Variants in SENP7 observed in about 807,000 individuals in gnomAD.
SENP7 encodes the protein sentrin-specific protease 7.
A neutral mutation model predicts 141.2 loss-of-function variants in SENP7; 64 were observed. The observed-to-expected ratio is 0.45, with a 90% CI of 0.37 to 0.56. SENP7 has a LOEUF of 0.56. SENP7 is among the 20% of genes least tolerant of loss of function. SENP7 has a pLI of 0.00. For synonymous variants in SENP7, 382 were observed against 426.4 expected (o/e 0.90, Z 1.28); for missense variants, 1,025 against 1,212.2 (o/e 0.85, Z 2.29).
chr3:101,406,444 G>A (rs1270112643), intron 5 of SENP7, among the ~76,000 whole-genome samples: 2 of 151,928 alleles, frequency 1.3e-5, no homozygotes, highest in African/African-American at 4.8e-5. Flanking sequence ...GGAGTGGGGG[G>A]AGGGGGGAAG....
At chr3:101,362,905 T>G (rs1049440181) in intron 10 of SENP7, among the ~76,000 whole-genome samples, 1 of 152,230 alleles carries the variant, frequency 6.6e-6, no homozygotes, top group Non-Finnish European at 1.5e-5. Context: ...TCCCACTGTT[T>G]CTTCTGAAAT....
rs1211443867 is a variant in SENP7 at position 101,439,104 on chromosome 3, C to A, written c.284+19851G>T. 3.4e-5 allele frequency among the ~76,000 whole-genome samples: 4 copies of A among 118,436 alleles called. No individual in the cohort carries two copies. In the South Asian group the frequency reaches 1.2e-3, roughly 36 times the overall value. The allele number at this position is 118,436 out of a possible 152,430, so 77.7% of individuals were successfully genotyped here. A position where few individuals can be genotyped will look rare whatever the true frequency, so the allele number is the denominator to read the frequency against. On this transcript the variant is annotated intron_variant, in intron 4 of 23. Transcript: ENST00000394095. ...GAAGTGAGGAGCGCCTCTTCCCAGC[C>A]GCCATCACATCTAGGAAGTGAGGAG...
At chr3:101,449,716 G>A (rs553451423) in intron 4 of SENP7, among the ~76,000 whole-genome samples, 1 of 152,300 alleles carries the variant, frequency 6.6e-6, no homozygotes, top group South Asian at 2.1e-4. Context: ...GCTCCTGATG[G>A]AAGCACTAAA....
Position 101,414,582 on chromosome 3 carries a change from C to T in SENP7, c.482+3011G>A, listed in dbSNP as rs144510279. On this transcript the variant is annotated intron_variant, in intron 5 of 23. Transcript: ENST00000394095. ...GTGTGGATGACCACATGCACCTCATCCCAACTATGACCAAGAAGATGAAGG... is the reference window on the plus strand; with the variant it reads ...GTGTGGATGACCACATGCACCTCATTCCAACTATGACCAAGAAGATGAAGG... 1.4e-3 allele frequency: 2,267 copies of T among 1,605,242 alleles called. 33 individuals carry two copies. The African/African-American group carries it at 0.028, about 20-fold the overall frequency.
chr3:101,511,058 A>C (rs1242988818), intron 1 of SENP7, among the ~76,000 whole-genome samples: 1 of 152,212 alleles, frequency 6.6e-6, no homozygotes, highest in Non-Finnish European at 1.5e-5. Flanking sequence ...AACTAGAGGC[A>C]TACTGGAGAA....
At chr3:101,378,583 T>G (rs2060404659) in intron 6 of SENP7, among the ~76,000 whole-genome samples, 1 of 152,006 alleles carries the variant, frequency 6.6e-6, no homozygotes, top group African/African-American at 2.4e-5. Context: ...AGGTGTAGCA[T>G]AGGCATAATG....
At position 101,327,778 on chromosome 3, in the gene SENP7, T is replaced by G; in HGVS notation, c.2903A>C (p.His968Pro). ...EVEWEVKLKT[H>P]RQFSKTNMVD... ...CATGTTTGTTTTGCTGAATTGACGA[T>G]GAGTTTTTAGTTTAACTTCCCACTC... Residue 968 changes from histidine (H) to proline (P), a missense_variant, in exon 23 of 24, where the codon CAT becomes CCT. This residue lies in a region of SENP7 where 295 missense variants were observed against 459.1 expected (regional missense o/e 0.64). Transcript: ENST00000394095. 6.2e-7 allele frequency: 1 copy of G among 1,610,964 alleles called. No individual in the cohort carries two copies. The highest frequency in any genetic ancestry group is 8.5e-7 in the Non-Finnish European group (1 of 1,178,136).
chr3:101,372,513 T>C (rs929221771), intron 6 of SENP7, among the ~76,000 whole-genome samples: 1 of 152,142 alleles, frequency 6.6e-6, no homozygotes, highest in African/African-American at 2.4e-5. Context: ...AATGTTAATA[T>C]ATTTCAAGCG....
chr3:101,406,526 T>C (rs1247290346), intron 5 of SENP7, among the ~76,000 whole-genome samples: 1 of 151,250 alleles, frequency 6.6e-6, no homozygotes, highest in Non-Finnish European at 1.5e-5. Context: ...GGCACATGTA[T>C]ACATATGTAA....
chr3:101,348,099 A>C, intron 12 of SENP7, 48 bp from the exon 13 acceptor site: 1 of 1,288,572 alleles, frequency 7.8e-7, no homozygotes, highest in East Asian at 2.4e-5. Flanking sequence ...CCATTTAAGA[A>C]TACACCACTT....
At chr3:101,392,178 C>A (rs1198484313) in intron 6 of SENP7, among the ~76,000 whole-genome samples, 3 of 152,166 alleles carry the variant, frequency 2.0e-5, no homozygotes, top group Non-Finnish European at 2.9e-5. Flanking sequence ...TGCCCACCTT[C>A]ACGACTCTTA....
At chr3:101,465,142 G>T (rs564648659) in intron 3 of SENP7, among the ~76,000 whole-genome samples, 3 of 151,990 alleles carry the variant, frequency 2.0e-5, no homozygotes, top group South Asian at 2.1e-4. Context: ...ACACCATTAG[G>T]GGGGTGGAGG....
chr3:101,457,824 G>C, intron 4 of SENP7: 1 of 572,580 alleles, frequency 1.7e-6, no homozygotes, highest in Non-Finnish European at 3.1e-6. Flanking sequence ...CACATGCGGA[G>C]ATGCAAGACG....
At chr3:101,331,127 T>A (rs2059037254) in intron 19 of SENP7, among the ~76,000 whole-genome samples, 1 of 152,046 alleles carries the variant, frequency 6.6e-6, no homozygotes, top group Admixed American at 6.5e-5. Flanking sequence ...TTTTTTAAAA[T>A]GGTATAATAC....
chr3:101,368,336 C>CAA (rs879870967), intron 7 of SENP7, among the ~76,000 whole-genome samples: 1 of 140,674 alleles, frequency 7.1e-6, no homozygotes, highest in East Asian at 2.1e-4. Context: ...GCTGTACTAT[C>CAA]AAAAAAAAAA....
At chr3:101,427,175 G>C (rs568913899) in intron 4 of SENP7, among the ~76,000 whole-genome samples, 37 of 152,040 alleles carry the variant, frequency 2.4e-4, no homozygotes, top group Non-Finnish European at 4.4e-5. Context: ...GGGATGAAAC[G>C]GGGGTTCAAC....
At chr3:101,512,226 A>C (rs572697936) in intron 1 of SENP7, among the ~76,000 whole-genome samples, 1 of 152,180 alleles carries the variant, frequency 6.6e-6, no homozygotes, top group Non-Finnish European at 1.5e-5. Flanking sequence ...TGTGTACTGG[A>C]CTGTAAGCAT....
chr3:101,358,150 T>C (rs955896268), intron 11 of SENP7: 14 of 526,128 alleles, frequency 2.7e-5, no homozygotes, highest in Non-Finnish European at 4.0e-5. Context: ...CATAAGATAA[T>C]TCATACTGGA....
At chr3:101,498,748 G>A (rs558915646) in intron 2 of SENP7, among the ~76,000 whole-genome samples, 1 of 152,318 alleles carries the variant, frequency 6.6e-6, no homozygotes, top group Admixed American at 6.5e-5. Flanking sequence ...GAGGCGAGCA[G>A]CACGGGAGAA....
Sources: gnomAD v4.1 joint callset for allele counts (sites outside exome capture counted in the v4.1 genomes callset) on GRCh38, gnomAD v4.1.1 for gene constraint, gnomAD v4.1.1 regional missense constraint, MANE v1.5 for transcripts, NCBI Gene and HGNC (gene_info 2026-07-23, HGNC 2026-07-21) for gene names.